The following ITGA11 variants were observed in gnomAD, a reference collection of about 807,000 sequenced individuals.
ITGA11 encodes the protein integrin subunit alpha 11, also known as integrin alpha-11.
ITGA11 carries 97 observed loss-of-function variants against 141.9 expected under a neutral mutation model. That is an observed-to-expected ratio of 0.68 (90% CI 0.58 to 0.81). The LOEUF is 0.81. ITGA11 is among the 30% of genes least tolerant of loss of function. The pLI is 0.00. For synonymous variants in ITGA11, 658 were observed against 624.6 expected (o/e 1.05, Z -0.80); for missense variants, 1,387 against 1,559.2 (o/e 0.89, Z 1.86).
intron 1 of ITGA11, among the ~76,000 whole-genome samples, chr15:68,416,917 G>A (rs746857374): frequency 6.6e-5 from 10 of 152,244 alleles, no homozygotes; most frequent in Non-Finnish European, 1.2e-4. Context: ...CCCCATCTCC[G>A]TAAAAAACAA....
chr15:68,408,021 C>T (rs576963733), intron 1 of ITGA11, among the ~76,000 whole-genome samples: 1 of 152,334 alleles, frequency 6.6e-6, no homozygotes, highest in East Asian at 1.9e-4. Context: ...TCCCAGGGAT[C>T]TTGGGAGAAA....
intron 2 of ITGA11, among the ~76,000 whole-genome samples, chr15:68,396,449 G>A (rs954116361): frequency 6.6e-6 from 1 of 151,982 alleles, no homozygotes; most frequent in Middle Eastern, 3.4e-3. Context: ...ATAAATAAAT[G>A]AATAAACTAG....
At chr15:68,336,984 C>T (rs1894380239) in intron 11 of ITGA11, among the ~76,000 whole-genome samples, 2 of 152,160 alleles carry the variant, frequency 1.3e-5, no homozygotes, top group African/African-American at 4.8e-5. Context: ...TCCATAATAC[C>T]AAGACCTCAC....
At chr15:68,339,410 C>G (rs1894485111) in intron 11 of ITGA11, 90 bp downstream of exon 11, 3 of 1,419,766 alleles carry the variant, frequency 2.1e-6, no homozygotes, top group Non-Finnish European at 2.9e-6. Context: ...ACAGCAGGCC[C>G]CTCACTCGTG....
chr15:68,383,622 C>T (rs146893666), intron 2 of ITGA11, among the ~76,000 whole-genome samples: 2 of 152,268 alleles, frequency 1.3e-5, no homozygotes, highest in African/African-American at 4.8e-5. Context: ...TCTTGCACCC[C>T]CTAGTGTCAG....
At chr15:68,368,479 C>A (rs1463759732) in intron 3 of ITGA11, among the ~76,000 whole-genome samples, 2 of 152,226 alleles carry the variant, frequency 1.3e-5, no homozygotes, top group African/African-American at 4.8e-5. Context: ...TGCATGCAAA[C>A]ACACACGAGT....
intron 2 of ITGA11, among the ~76,000 whole-genome samples, chr15:68,380,305 C>G (rs760402654): frequency 9.9e-5 from 15 of 152,162 alleles, no homozygotes; most frequent in Non-Finnish European, 1.6e-4. Context: ...CTAACCTATC[C>G]CCAGATGGGC....
At position 68,325,186 on chromosome 15, in the gene ITGA11, T is replaced by C; in HGVS notation, c.2267A>G (p.Asp756Gly). ...VTFSVEYSLE[D>G]PDHGPMLDDG... is the part of the protein sequence containing the mutation. ...GTCCAGCATGGGGCCATGGTCAGGGTCCTCCAGGGAATACTCGACTGAGAA... is the reference window on the plus strand; with the variant it reads ...GTCCAGCATGGGGCCATGGTCAGGGCCCTCCAGGGAATACTCGACTGAGAA... The change falls in exon 18 of 30, where the codon GAC becomes GGC. Residue 756 changes from aspartate (D) to glycine (G), a missense_variant. By Grantham distance (94) the Asp-to-Gly change is moderately conservative. Coordinates refer to ENST00000315757, the MANE Select transcript of ITGA11 (RefSeq NM_001004439.2). This position sits in a 1 kb window ranked among gnomAD's most constrained non-coding sequence, Gnocchi z 5.5. The C allele has an allele frequency of 6.2e-7, 1 of 1,613,470 alleles. No individual in the cohort carries two copies. The highest frequency in any genetic ancestry group is 8.5e-7 in the Non-Finnish European group (1 of 1,179,802).
intron 19 of ITGA11, 92 bp from the exon 20 acceptor site, chr15:68,320,484 TG>T: frequency 9.7e-7 from 1 of 1,032,204 alleles, no homozygotes; most frequent in Non-Finnish European, 1.4e-6. Context: ...AAGGTGGGTC[TG>T]GGCACTTGAC....
chr15:68,371,497 G>A (rs921940477), intron 2 of ITGA11, among the ~76,000 whole-genome samples: 31 of 152,318 alleles, frequency 2.0e-4, no homozygotes, highest in Non-Finnish European at 1.2e-4. Context: ...TGGATCACCT[G>A]AAGTCAGGAG....
chr15:68,317,740 T>C (rs1893642935), intron 20 of ITGA11, among the ~76,000 whole-genome samples: 2 of 152,216 alleles, frequency 1.3e-5, no homozygotes, highest in South Asian at 4.1e-4. Context: ...TCCCATGCCC[T>C]GCCTATTGTC....
chr15:68,391,453 C>T (rs967401809), intron 2 of ITGA11, among the ~76,000 whole-genome samples: 1 of 152,192 alleles, frequency 6.6e-6, no homozygotes, highest in Non-Finnish European at 1.5e-5. Context: ...TTCCAGAGAC[C>T]CCAGGCACAG....
At position 68,366,395 on chromosome 15, in the gene ITGA11, C is replaced by T. The variant is rs117836267; in HGVS notation, c.266-1597G>A. ...AAGATCTTTAGCCCAGACCGTGTGA[C>T]GTTTCATCCCGAGTTCTGTGTTTTC... On this transcript the variant is annotated intron_variant, in intron 3 of 29. Coordinates refer to ENST00000315757, the MANE Select transcript of ITGA11 (RefSeq NM_001004439.2). Among the ~76,000 whole-genome samples the T allele has an allele frequency of 1.0e-3, 152 of 152,170 alleles. 2 individuals are homozygous for T. In the East Asian group the frequency reaches 0.026, roughly 26 times the overall value.
rs566882514 is a variant in ITGA11 at position 68,344,587 on chromosome 15, G to A, written c.1131+4243C>T. Among the ~76,000 whole-genome samples the A allele has an allele frequency of 2.0e-5, 3 of 152,076 alleles. No homozygotes were observed. The East Asian group carries it at 5.9e-4, about 30-fold the overall frequency. On this transcript the variant is annotated intron_variant, in intron 10 of 29. Transcript: ENST00000315757. Reference sequence around the variant, plus strand: ...ATACCTCCAGAGGGGGACTAGACTCGAAGACTCGGTAATCCCATGGGCCTT... The same window carrying A: ...ATACCTCCAGAGGGGGACTAGACTCAAAGACTCGGTAATCCCATGGGCCTT...
chr15:68,325,089 T>TG lies in ITGA11; in HGVS notation c.2322+41dup, dbSNP rs775550122. 3.0e-6 allele frequency: 4 copies of TG among 1,317,454 alleles called. No individual in the cohort carries two copies. The highest frequency in any genetic ancestry group is 4.2e-6 in the Non-Finnish European group (4 of 943,684). 81.6% of individuals were successfully genotyped at this position (1,317,454 alleles called of 1,614,324 possible). A position where few individuals can be genotyped will look rare whatever the true frequency, so the allele number is the denominator to read the frequency against. On this transcript the variant is annotated intron_variant, in intron 18 of 29. Transcript: ENST00000315757. This position sits in a 1 kb window ranked among gnomAD's most constrained non-coding sequence, Gnocchi z 5.5. ...TTTGGGGTTGAGGTGGAGGTGGGGG[T>TG]GGGGTTCATGCCCGAGGTGCGTGCC...
chr15:68,306,350 G>A (rs552067829), intron 28 of ITGA11, among the ~76,000 whole-genome samples: 3 of 151,980 alleles, frequency 2.0e-5, no homozygotes, highest in Non-Finnish European at 4.4e-5. Flanking sequence ...GGGTATGTGT[G>A]GGGGAGCGGG....
rs1202674376 is a variant in ITGA11 at position 68,301,088 on chromosome 15, A to G, written c.*1971T>C. On this transcript the variant is annotated 3_prime_UTR_variant, in exon 30 of 30. Coordinates refer to ENST00000315757, the MANE Select transcript of ITGA11 (RefSeq NM_001004439.2). The surrounding 1 kb of genome is among the most constrained non-coding windows in gnomAD (Gnocchi z 4.4). ...AGAAGGCAATGGGTTTTGATACTCAAATTTTAGTTTCACCATTTTCACCTT... is the reference window on the plus strand; with the variant it reads ...AGAAGGCAATGGGTTTTGATACTCAGATTTTAGTTTCACCATTTTCACCTT... The G allele has an allele frequency of 6.6e-6, 1 of 152,164 alleles. No homozygotes were observed. The highest frequency in any genetic ancestry group is 1.5e-5 in the Non-Finnish European group (1 of 68,036). 9.4% of individuals were successfully genotyped at this position (152,164 alleles called of 1,614,324 possible).
intron 2 of ITGA11, among the ~76,000 whole-genome samples, chr15:68,384,783 T>C (rs1028457890): frequency 6.6e-6 from 1 of 152,198 alleles, no homozygotes; most frequent in African/African-American, 2.4e-5. Flanking sequence ...TTATGTGCTG[T>C]GGTGTTGGGA....
At chr15:68,348,092 C>T (rs566725026) in intron 10 of ITGA11, among the ~76,000 whole-genome samples, 7 of 152,328 alleles carry the variant, frequency 4.6e-5, no homozygotes, top group South Asian at 2.1e-4. Context: ...TCACAGACAT[C>T]GACTCTTCTG....
Sources: allele counts gnomAD v4.1 joint callset (sites outside exome capture counted in the v4.1 genomes callset), GRCh38; gene constraint gnomAD v4.1.1; non-coding constraint Gnocchi (gnomAD v3.1); transcripts MANE v1.5; gene names NCBI Gene and HGNC (gene_info 2026-07-23, HGNC 2026-07-21).